Variants in ETV6 observed in about 807,000 individuals in gnomAD.
The protein encoded by ETV6 is transcription factor ETV6.
In ETV6, 16 loss-of-function variants were observed where a neutral mutation model predicts 51.1. The ratio of observed to expected loss-of-function variants is 0.31; its 90% CI spans 0.21 to 0.48. ETV6 has a LOEUF of 0.48. Among genes scored for constraint, ETV6 ranks in the 20% least tolerant of loss-of-function variants. The probability of loss-of-function intolerance (pLI) is 0.99; values close to 1 mark genes in which losing one functional copy is unlikely to be tolerated. For missense variants in ETV6, 458 were observed against 594.8 expected (o/e 0.77, Z 2.39); for synonymous variants, 240 against 224.1 (o/e 1.07, Z -0.64).
At chr12:11,667,902 A>G (rs1006725657) in intron 1 of ETV6, among the ~76,000 whole-genome samples, 17 of 151,294 alleles carry the variant, frequency 1.1e-4, no homozygotes, top group Admixed American at 1.1e-3. Context: ...GAGTTTCACC[A>G]TCTTGGCCAG....
At chr12:11,807,491 A>G (rs759356341) in intron 2 of ETV6, among the ~76,000 whole-genome samples, 1 of 152,234 alleles carries the variant, frequency 6.6e-6, no homozygotes, top group Non-Finnish European at 1.5e-5. Flanking sequence ...GACAGTGAGC[A>G]GGTGAGGCTC....
chr12:11,688,671 G>A (rs1864684391), intron 1 of ETV6, among the ~76,000 whole-genome samples: 1 of 152,160 alleles, frequency 6.6e-6, no homozygotes, highest in African/African-American at 2.4e-5. Flanking sequence ...TGGTGCCAAA[G>A]AATCCACAGT....
chr12:11,776,964 C>A (rs1045619958), intron 2 of ETV6, among the ~76,000 whole-genome samples: 1 of 152,138 alleles, frequency 6.6e-6, no homozygotes, highest in Non-Finnish European at 1.5e-5. Flanking sequence ...TTAGGCCGGG[C>A]GCAGTGGCTC....
At chr12:11,797,239 G>A (rs187812846) in intron 2 of ETV6, among the ~76,000 whole-genome samples, 6 of 152,086 alleles carry the variant, frequency 3.9e-5, no homozygotes, top group Admixed American at 3.9e-4. Flanking sequence ...CCGGCACTGG[G>A]AACACAGAAA....
intron 4 of ETV6, among the ~76,000 whole-genome samples, chr12:11,856,817 G>GA (rs1404422302): frequency 4.0e-5 from 6 of 151,140 alleles, no homozygotes; most frequent in South Asian, 2.1e-4. Flanking sequence ...ATCTGGTTCT[G>GA]AAAAAAAAAT....
intron 2 of ETV6, among the ~76,000 whole-genome samples, chr12:11,814,453 A>G (rs1221175051): frequency 6.6e-6 from 1 of 152,180 alleles, no homozygotes; most frequent in Non-Finnish European, 1.5e-5. Flanking sequence ...AGTATTGCAG[A>G]CATGAAAGAT....
chr12:11,777,537 C>A (rs923067907), intron 2 of ETV6, among the ~76,000 whole-genome samples: 8 of 151,836 alleles, frequency 5.3e-5, no homozygotes, highest in African/African-American at 1.7e-4. Context: ...GCAGCTTGCA[C>A]CTAGATTTAT....
chr12:11,855,733 G>T (rs758009302), intron 4 of ETV6, among the ~76,000 whole-genome samples: 1 of 152,080 alleles, frequency 6.6e-6, no homozygotes, highest in Admixed American at 6.6e-5. Context: ...ACAGCATTTC[G>T]TGCACGCTCC....
intron 1 of ETV6, among the ~76,000 whole-genome samples, chr12:11,715,340 A>G (rs1342249765): frequency 2.0e-5 from 3 of 152,232 alleles, no homozygotes; most frequent in Non-Finnish European, 4.4e-5. Flanking sequence ...AGGCCAAGGT[A>G]TGAAATGATT....
chr12:11,721,085 T>C (rs1229504062), intron 1 of ETV6, among the ~76,000 whole-genome samples: 1 of 152,188 alleles, frequency 6.6e-6, no homozygotes, highest in Non-Finnish European at 1.5e-5. Flanking sequence ...GGTGAGGCTA[T>C]GGAGAAAAGG....
intron 1 of ETV6, among the ~76,000 whole-genome samples, chr12:11,676,664 C>T (rs921126552): frequency 1.3e-5 from 2 of 152,166 alleles, no homozygotes; most frequent in African/African-American, 4.8e-5. Context: ...CATATGTGCC[C>T]TCATGACATC....
chr12:11,751,908 A>G (rs548197586), intron 1 of ETV6: 21 of 470,120 alleles, frequency 4.5e-5, no homozygotes, highest in African/African-American at 3.8e-4. Flanking sequence ...GGTGGACAAT[A>G]GAAAAATCTT....
intron 7 of ETV6, 106 bp downstream of exon 7, chr12:11,886,132 C>T: frequency 2.6e-6 from 2 of 770,400 alleles, no homozygotes; most frequent in Non-Finnish European, 4.5e-6. Flanking sequence ...CTATCGGATA[C>T]CCAAAGCCAA....
intron 2 of ETV6, among the ~76,000 whole-genome samples, chr12:11,812,654 T>A (rs1357310190): frequency 2.6e-5 from 4 of 152,120 alleles, no homozygotes; most frequent in Non-Finnish European, 5.9e-5. Context: ...CCGCCCTCAG[T>A]ATTCTTTCAC....
At chr12:11,786,020 A>C (rs1295116781) in intron 2 of ETV6, among the ~76,000 whole-genome samples, 4 of 152,214 alleles carry the variant, frequency 2.6e-5, no homozygotes, top group Admixed American at 2.6e-4. Flanking sequence ...TACAAAAAAA[A>C]ATGGCCACAT....
chr12:11,798,384 G>A lies in ETV6; in HGVS notation c.164-40756G>A, dbSNP rs980916495. Among the ~76,000 whole-genome samples the A allele has an allele frequency of 2.6e-5, 4 of 152,142 alleles. No individual in the cohort carries two copies. The East Asian group carries it at 7.7e-4, about 29-fold the overall frequency. On this transcript the variant is annotated intron_variant, in intron 2 of 7. Transcript: ENST00000396373. The stretch of plus-strand genomic sequence containing the variant: ...CGGGGGCAGAAAGACCAGTTACAAG[G>A]GAAAATCATGCTGGTCATGCCCCAG...
intron 1 of ETV6, among the ~76,000 whole-genome samples, chr12:11,658,435 A>G (rs1047223184): frequency 3.9e-5 from 6 of 152,214 alleles, no homozygotes; most frequent in African/African-American, 7.2e-5. Flanking sequence ...GGGTTTCACC[A>G]TGGTGGCCAG....
intron 1 of ETV6, among the ~76,000 whole-genome samples, chr12:11,719,529 G>A (rs1865342921): frequency 6.6e-6 from 1 of 152,220 alleles, no homozygotes; most frequent in South Asian, 2.1e-4. Context: ...GGATGGCAAG[G>A]AAGGACCAGC....
intron 4 of ETV6, among the ~76,000 whole-genome samples, chr12:11,865,817 G>A (rs1457599402): frequency 6.6e-6 from 1 of 150,986 alleles, no homozygotes; most frequent in Non-Finnish European, 1.5e-5. Flanking sequence ...TTTATTTTTG[G>A]TTTTCAGCAG....
Sources: gnomAD v4.1 joint callset for allele counts (sites outside exome capture counted in the v4.1 genomes callset) on GRCh38, gnomAD v4.1.1 for gene constraint, MANE v1.5 for transcripts, NCBI Gene and HGNC (gene_info 2026-07-23, HGNC 2026-07-21) for gene names.